The following SMAD3 variants were observed in gnomAD, a reference collection of about 807,000 sequenced individuals.
The protein encoded by SMAD3 is MAD homolog 3.
A neutral mutation model predicts 51.8 loss-of-function variants in SMAD3; 12 were observed. The observed-to-expected ratio is 0.23, with a 90% CI of 0.15 to 0.38. The LOEUF is 0.38. SMAD3 is among the 10% of genes least tolerant of loss of function. The pLI, the probability that SMAD3 is intolerant of heterozygous loss-of-function variation, is 1.00. For synonymous variants in SMAD3, 238 were observed against 227.7 expected, an observed-to-expected ratio of 1.05 and a Z score of -0.41; for missense variants, 294 against 565.6, an observed-to-expected ratio of 0.52 and a Z score of 4.87.
chr15:67,107,965 T>TGGGGGG, intron 1 of SMAD3, among the ~76,000 whole-genome samples: 1 of 124,720 alleles, frequency 8.0e-6, no homozygotes, highest in African/African-American at 3.2e-5. Context: ...TGCTCTCCTC[T>TGGGGGG]CCCCCCCACC....
Position 67,164,988 on chromosome 15 carries a change from C to T in SMAD3, c.300C>T (p.His100=). Residue 100 remains histidine, a synonymous_variant, in exon 2 of 9, where the codon CAC becomes CAT. Coordinates refer to ENST00000327367, the MANE Select transcript of SMAD3 (RefSeq NM_005902.4). ...RLWRWPDLHS[H]HELRAMELCE... ...GGCGATGGCCAGACCTGCACAGCCA[C>T]CACGAGCTACGGGCCATGGAGCTGT... 1.2e-6 allele frequency: 2 copies of T among 1,614,130 alleles called. No individual in the cohort carries two copies. The highest frequency in any genetic ancestry group is 1.7e-6 in the Non-Finnish European group (2 of 1,180,036).
At chr15:67,087,203 G>A (rs1483859134) in intron 1 of SMAD3, among the ~76,000 whole-genome samples, 2 of 152,046 alleles carry the variant, frequency 1.3e-5, no homozygotes, top group Non-Finnish European at 2.9e-5. Context: ...CCTTTCTAAC[G>A]TGATGTCAGT....
intron 1 of SMAD3, among the ~76,000 whole-genome samples, chr15:67,089,254 C>G (rs1226411884): frequency 6.6e-6 from 1 of 152,146 alleles, no homozygotes; most frequent in African/African-American, 2.4e-5. Flanking sequence ...GCCAGATGAC[C>G]CTTGCTACTT....
rs1959914727 is a variant in SMAD3, at chr15:67,066,305, C to T, written c.151C>T (p.Leu51=). 1 of 1,613,710 alleles carries T rather than the reference C, an allele frequency of 6.2e-7. No homozygotes were observed. The change falls in exon 1 of 9, where the codon CTG becomes TTG. Residue 51 remains leucine, a synonymous_variant. Transcript: ENST00000327367. ...CAAGAAGACGGGGCAGCTGGACGAG[C>T]TGGAGAAGGCCATCACCACGCAGAA... The part of the protein sequence containing the change: ...KLKKTGQLDE[L]EKAITTQNVN...
intron 8 of SMAD3, 89 bp downstream of exon 8, chr15:67,187,598 G>A: frequency 6.6e-7 from 1 of 1,513,162 alleles, no homozygotes; most frequent in African/African-American, 1.4e-5. Flanking sequence ...AGATGAGCTA[G>A]GCCAGCCCTA....
chr15:67,112,817 A>G (rs1167276881), intron 1 of SMAD3, among the ~76,000 whole-genome samples: 1 of 131,314 alleles, frequency 7.6e-6, no homozygotes, highest in Non-Finnish European at 1.6e-5. Context: ...TGATTTTTGT[A>G]TAAGATGTGA....
rs1464740111 is a variant in SMAD3, at chr15:67,066,301, C to T, written c.147C>T (p.Asp49=). 1.2e-6 allele frequency: 2 copies of T among 1,613,662 alleles called. No homozygotes were observed. Among genetic ancestry groups the T allele is most frequent in the Admixed American group, 1.7e-5 (1 of 60,014 alleles). ...VKKLKKTGQL[D]ELEKAITTQN... ...AACTCAAGAAGACGGGGCAGCTGGA[C>T]GAGCTGGAGAAGGCCATCACCACGC... The change falls in exon 1 of 9, where the codon GAC becomes GAT. Residue 49 remains aspartate (D), a synonymous_variant. Coordinates refer to ENST00000327367, the MANE Select transcript of SMAD3 (RefSeq NM_005902.4).
intron 5 of SMAD3, among the ~76,000 whole-genome samples, chr15:67,180,285 C>T (rs1283843037): frequency 6.6e-6 from 1 of 151,798 alleles, no homozygotes; most frequent in East Asian, 1.9e-4. Context: ...GCTGCAGAGG[C>T]GTGCAGTAGG....
chr15:67,119,813 T>C (rs1005097565), intron 1 of SMAD3, among the ~76,000 whole-genome samples: 1 of 152,158 alleles, frequency 6.6e-6, no homozygotes, highest in Non-Finnish European at 1.5e-5. Flanking sequence ...ATTTTTTTTT[T>C]GGAGACAGAG....
At chr15:67,166,917 C>G in intron 4 of SMAD3, 64 bp downstream of exon 4, 1 of 1,281,352 alleles carries the variant, frequency 7.8e-7, no homozygotes, top group South Asian at 1.3e-5. Flanking sequence ...TCATCCCTTC[C>G]ATCCCTTCCT....
At chr15:67,086,599 T>C (rs1241439091) in intron 1 of SMAD3, among the ~76,000 whole-genome samples, 1 of 152,026 alleles carries the variant, frequency 6.6e-6, no homozygotes, top group Non-Finnish European at 1.5e-5. Context: ...ATGAGAAGCT[T>C]TACAAATAAC....
intron 5 of SMAD3, among the ~76,000 whole-genome samples, chr15:67,171,016 C>CT (rs1241600167): frequency 2.0e-5 from 3 of 152,122 alleles, no homozygotes. Flanking sequence ...AGTGTTTCAT[C>CT]TTATAATTGT....
rs544820644 is a variant in SMAD3, at chr15:67,096,129, G to A, written c.206+29769G>A. 3.3e-5 allele frequency among the ~76,000 whole-genome samples: 5 copies of A among 152,260 alleles called. 1 individual carries two copies. In the South Asian group the frequency reaches 8.3e-4, roughly 25 times the overall value. ...CGATGACATTCTAAGAAACATCAAC[G>A]ACCAAAGAACCCCATCATATCCTTT... On this transcript the variant is annotated intron_variant, in intron 1 of 8. Transcript: ENST00000327367.
chr15:67,160,060 T>C (rs1962385472), intron 1 of SMAD3, among the ~76,000 whole-genome samples: 1 of 152,252 alleles, frequency 6.6e-6, no homozygotes. Flanking sequence ...TTTTAGCTTT[T>C]TAAGAAACTT....
chr15:67,164,157 A>G (rs1962507781), intron 1 of SMAD3, among the ~76,000 whole-genome samples: 1 of 151,118 alleles, frequency 6.6e-6, no homozygotes, highest in South Asian at 2.1e-4. Flanking sequence ...TAAAAATACA[A>G]AAACAAAATT....
At chr15:67,167,534 G>A (rs1483777468) in intron 4 of SMAD3, among the ~76,000 whole-genome samples, 1 of 152,144 alleles carries the variant, frequency 6.6e-6, no homozygotes, top group African/African-American at 2.4e-5. Flanking sequence ...GGTAGAGAGT[G>A]GCCTTGATCA....
chr15:67,169,660 C>T (rs7165382), intron 4 of SMAD3, among the ~76,000 whole-genome samples: 2 of 147,284 alleles, frequency 1.4e-5, no homozygotes, highest in Admixed American at 6.8e-5. Context: ...ACAGGGTCTC[C>T]CTATATCACC....
intron 1 of SMAD3, among the ~76,000 whole-genome samples, chr15:67,105,458 G>A (rs555513165): frequency 1.4e-3 from 207 of 152,250 alleles, no homozygotes; most frequent in African/African-American, 4.9e-3. Flanking sequence ...GAGCCCCTAC[G>A]GGAAGCAAAG....
chr15:67,183,242 C>G (rs909497940), intron 6 of SMAD3, among the ~76,000 whole-genome samples: 2 of 151,374 alleles, frequency 1.3e-5, no homozygotes, highest in Non-Finnish European at 2.9e-5. Context: ...TGGGGATTCA[C>G]CACGTTGGCC....
Sources: allele counts gnomAD v4.1 joint callset (sites outside exome capture counted in the v4.1 genomes callset), GRCh38; gene constraint gnomAD v4.1.1; transcripts MANE v1.5; gene names NCBI Gene and HGNC (gene_info 2026-07-23, HGNC 2026-07-21).